The following FRAS1 variants were observed in gnomAD, a reference collection of about 807,000 sequenced individuals.
FRAS1 encodes extracellular matrix organizing protein FRAS1.
Under a neutral mutation model 435.2 loss-of-function variants are expected in FRAS1, and 290 were observed. That is an observed-to-expected ratio of 0.67 (90% CI 0.61 to 0.73). The LOEUF is 0.73. Ranked by LOEUF, FRAS1 falls within the 30% of genes least tolerant of loss-of-function variation. The pLI, the probability that FRAS1 is intolerant of heterozygous loss-of-function variation, is 0.00. For missense variants in FRAS1, 4,860 were observed against 5,001.5 expected, an observed-to-expected ratio of 0.97 and a Z score of 0.85; for synonymous variants, 1,800 against 1,851.0, an observed-to-expected ratio of 0.97 and a Z score of 0.71.
chr4:78,358,968 A>C (rs1730971119), intron 20 of FRAS1, among the ~76,000 whole-genome samples: 1 of 152,196 alleles, frequency 6.6e-6, no homozygotes, highest in African/African-American at 2.4e-5. Flanking sequence ...CTATATGTAA[A>C]ATTGTATAGA....
At chr4:78,280,667 G>A (rs1727290186) in intron 10 of FRAS1, among the ~76,000 whole-genome samples, 1 of 150,936 alleles carries the variant, frequency 6.6e-6, no homozygotes, top group Non-Finnish European at 1.5e-5. Context: ...ATTGTGTAGT[G>A]TTAACAGTGC....
intron 41 of FRAS1, among the ~76,000 whole-genome samples, chr4:78,445,108 C>T (rs144673494): frequency 8.7e-4 from 133 of 152,328 alleles, no homozygotes; most frequent in Non-Finnish European, 1.6e-3. Flanking sequence ...GTTCCTCATG[C>T]AGGATATGCC....
At chr4:78,145,006 A>T (rs1275074451) in intron 2 of FRAS1, among the ~76,000 whole-genome samples, 3 of 152,204 alleles carry the variant, frequency 2.0e-5, no homozygotes, top group African/African-American at 7.2e-5. Flanking sequence ...CTGGAAGGAA[A>T]CAATATTCAT....
At chr4:78,121,548 G>A (rs762959398) in intron 2 of FRAS1, among the ~76,000 whole-genome samples, 17 of 152,160 alleles carry the variant, frequency 1.1e-4, no homozygotes, top group Non-Finnish European at 2.4e-4. Context: ...GCACGCCCTG[G>A]GAAAGCACTT....
intron 41 of FRAS1, chr4:78,444,143 C>T (rs1171439943): frequency 4.4e-6 from 2 of 455,546 alleles, no homozygotes; most frequent in East Asian, 7.0e-5. Flanking sequence ...GCATGAGCCA[C>T]CATGCCCAGT....
chr4:78,446,104 G>T (rs1718818510), intron 42 of FRAS1: 13 of 1,063,276 alleles, frequency 1.2e-5, no homozygotes, highest in Non-Finnish European at 1.5e-5. Context: ...TAACATCAAA[G>T]AAATGTGTTC....
intron 2 of FRAS1, among the ~76,000 whole-genome samples, chr4:78,187,393 G>C (rs1722318987): frequency 6.6e-6 from 1 of 152,110 alleles, no homozygotes. Flanking sequence ...AGGGGTGATA[G>C]CTGACTTTTG....
At chr4:78,329,180 A>G (rs1174780982) in intron 18 of FRAS1, among the ~76,000 whole-genome samples, 1 of 152,228 alleles carries the variant, frequency 6.6e-6, no homozygotes, top group African/African-American at 2.4e-5. Flanking sequence ...TGTTAGTAGG[A>G]AATATCAAAA....
At chr4:78,381,769 G>C (rs924908999) in intron 27 of FRAS1, among the ~76,000 whole-genome samples, 1 of 152,102 alleles carries the variant, frequency 6.6e-6, no homozygotes, top group African/African-American at 2.4e-5. Flanking sequence ...TGGAATCATA[G>C]CTTTGTACCC....
chr4:78,237,791 A>AT (rs1724826764), intron 3 of FRAS1, among the ~76,000 whole-genome samples, 174 bp downstream of exon 3: 1 of 152,202 alleles, frequency 6.6e-6, no homozygotes, highest in South Asian at 2.1e-4. Context: ...ATTTTCCAGA[A>AT]TTTTAACATA....
At chr4:78,184,426 CCTAA>C (rs1273424805) in intron 2 of FRAS1, among the ~76,000 whole-genome samples, 1 of 151,822 alleles carries the variant, frequency 6.6e-6, no homozygotes, top group Non-Finnish European at 1.5e-5. Context: ...TTTTTTTTCC[CCTAA>C]CTATTTAAAC....
intron 20 of FRAS1, among the ~76,000 whole-genome samples, chr4:78,362,574 G>T (rs549226393): frequency 7.9e-5 from 12 of 152,344 alleles, no homozygotes; most frequent in African/African-American, 2.9e-4. Context: ...GTGTTGCCTT[G>T]TTGCTGGGGT....
chr4:78,419,095 A>C, intron 33 of FRAS1, 32 bp downstream of exon 33: 1 of 1,238,322 alleles, frequency 8.1e-7, no homozygotes, highest in South Asian at 1.5e-5. Flanking sequence ...CTTTTGAGTG[A>C]TATTATTATC....
In FRAS1 at chr4:78,161,742, C is replaced by CAAAAAAAAAAAAAAAAAAAAAAA. The variant is rs71214399; in HGVS notation, c.109-75760_109-75738dup. Among the ~76,000 whole-genome samples, 7 of 24,884 alleles carry CAAAAAAAAAAAAAAAAAAAAAAA rather than the reference C, an allele frequency of 2.8e-4. 1 individual carries two copies. Among genetic ancestry groups the CAAAAAAAAAAAAAAAAAAAAAAA allele is most frequent in the East Asian group, 1.5e-3 (1 of 680 alleles). The allele number at this position is 24,884 out of a possible 152,430, so 16.3% of individuals were successfully genotyped here. ...GGGCAACAAGAGCAAAACTCTGTCT[C>CAAAAAAAAAAAAAAAAAAAAAAA]AAAAAAAAAAAAAAAAAAAAAAAAA... is the stretch of plus-strand genomic sequence containing the variant. On this transcript the variant is annotated intron_variant, in intron 2 of 73. Transcript: ENST00000512123.
chr4:78,132,887 A>G (rs1719747610), intron 2 of FRAS1, among the ~76,000 whole-genome samples: 1 of 152,064 alleles, frequency 6.6e-6, no homozygotes, highest in Non-Finnish European at 1.5e-5. Flanking sequence ...CTGCGTGTTT[A>G]CATGTTTAGA....
chr4:78,304,677 T>A (rs1728609775), intron 14 of FRAS1, among the ~76,000 whole-genome samples: 1 of 152,158 alleles, frequency 6.6e-6, no homozygotes, highest in Non-Finnish European at 1.5e-5. Context: ...TATTCTCTGA[T>A]GGTAGTTTGT....
chr4:78,133,840 G>A (rs1719797264), intron 2 of FRAS1, among the ~76,000 whole-genome samples: 1 of 151,986 alleles, frequency 6.6e-6, no homozygotes, highest in South Asian at 2.1e-4. Flanking sequence ...AAGGAATCAC[G>A]GGCTTTGAAA....
intron 2 of FRAS1, chr4:78,181,923 C>A (rs1315343857): frequency 6.2e-7 from 1 of 1,609,302 alleles, no homozygotes. Flanking sequence ...CCACCCCTGC[C>A]GGCTTCTTTT....
At chr4:78,303,158 A>T (rs542002911) in intron 14 of FRAS1, among the ~76,000 whole-genome samples, 3 of 152,246 alleles carry the variant, frequency 2.0e-5, no homozygotes, top group Admixed American at 2.0e-4. Context: ...GCCAAAGATA[A>T]GATAGTTGTA....
Sources: gnomAD v4.1 joint callset for allele counts (sites outside exome capture counted in the v4.1 genomes callset) on GRCh38, gnomAD v4.1.1 for gene constraint, MANE v1.5 for transcripts, NCBI Gene and HGNC (gene_info 2026-07-23, HGNC 2026-07-21) for gene names.